PALM2AKAP2: variants seen among roughly 807,000 people sequenced by gnomAD.
PALM2AKAP2 encodes the protein PALM2 and AKAP2 fusion, also known as PALM2-AKAP2 fusion protein.
A neutral mutation model predicts 71.5 loss-of-function variants in PALM2AKAP2; 37 were observed. The observed-to-expected ratio is 0.52, with a 90% CI of 0.40 to 0.68. PALM2AKAP2 has a LOEUF of 0.68. Among genes scored for constraint, PALM2AKAP2 ranks in the 30% least tolerant of loss-of-function variants. The pLI is 0.00. For missense variants in PALM2AKAP2, 1,224 were observed against 1,191.8 expected (o/e 1.03, Z -0.40); for synonymous variants, 468 against 478.8 (o/e 0.98, Z 0.29).
chr9:109,680,279 G>A (rs750625675), intron 1 of PALM2AKAP2, among the ~76,000 whole-genome samples: 1 of 152,218 alleles, frequency 6.6e-6, no homozygotes, highest in Admixed American at 6.5e-5. Flanking sequence ...CAGGCCCAGA[G>A]ATACGTACAG....
At chr9:109,956,931 G>A (rs950835265) in intron 6 of PALM2AKAP2, among the ~76,000 whole-genome samples, 12 of 152,066 alleles carry the variant, frequency 7.9e-5, no homozygotes, top group East Asian at 1.9e-4. Context: ...CCAATTCCTC[G>A]TTTCAAAGAG....
intron 1 of PALM2AKAP2, among the ~76,000 whole-genome samples, chr9:110,129,247 A>G (rs1193874510): frequency 6.6e-6 from 1 of 152,222 alleles, no homozygotes; most frequent in Non-Finnish European, 1.5e-5. Flanking sequence ...AGGTAAAGGG[A>G]TCATCGACTT....
At chr9:110,124,986 T>C (rs1835565500) in intron 1 of PALM2AKAP2, among the ~76,000 whole-genome samples, 1 of 152,180 alleles carries the variant, frequency 6.6e-6, no homozygotes, top group East Asian at 1.9e-4. Flanking sequence ...TAACTTTTTT[T>C]CTGATTGGAG....
At chr9:109,788,511 T>C (rs1279486730) in intron 1 of PALM2AKAP2, among the ~76,000 whole-genome samples, 1 of 152,226 alleles carries the variant, frequency 6.6e-6, no homozygotes, top group Non-Finnish European at 1.5e-5. Flanking sequence ...TCTAATTCTG[T>C]AGGTCTAGGG....
intron 1 of PALM2AKAP2, among the ~76,000 whole-genome samples, chr9:109,677,112 T>C (rs1320996480): frequency 1.3e-5 from 2 of 152,190 alleles, no homozygotes; most frequent in African/African-American, 4.8e-5. Flanking sequence ...GGGAGGTTTT[T>C]ATTGTTTGTG....
chr9:110,135,172 A>AAAAAAT (rs1554755284), intron 1 of PALM2AKAP2, among the ~76,000 whole-genome samples: 18 of 61,096 alleles, frequency 2.9e-4, no homozygotes, highest in South Asian at 7.2e-4. Context: ...AAAATATATA[A>AAAAAAT]ATATATATAT....
chr9:109,766,984 G>GCTTA (rs567786666), intron 1 of PALM2AKAP2, among the ~76,000 whole-genome samples: 4 of 151,860 alleles, frequency 2.6e-5, no homozygotes, highest in Non-Finnish European at 5.9e-5. Flanking sequence ...TTATGAGAGT[G>GCTTA]CTTAGTACCT....
At chr9:109,800,354 T>A (rs1827388832) in intron 1 of PALM2AKAP2, among the ~76,000 whole-genome samples, 1 of 152,230 alleles carries the variant, frequency 6.6e-6, no homozygotes, top group African/African-American at 2.4e-5. Context: ...ACAATAATAC[T>A]CTGTTAGAGG....
chr9:109,730,879 T>C (rs1424592208), intron 1 of PALM2AKAP2, among the ~76,000 whole-genome samples: 2 of 151,898 alleles, frequency 1.3e-5, no homozygotes, highest in Admixed American at 1.3e-4. Flanking sequence ...CAACAACATA[T>C]CTTGAATAGC....
intron 1 of PALM2AKAP2, among the ~76,000 whole-genome samples, chr9:109,835,835 G>C (rs1047541647): frequency 6.6e-6 from 1 of 152,208 alleles, no homozygotes; most frequent in African/African-American, 2.4e-5. Context: ...CTTGGTGAGG[G>C]GTGCCTGCCA....
chr9:109,865,096 CTT>C (rs58922983), intron 1 of PALM2AKAP2, among the ~76,000 whole-genome samples: 3 of 75,640 alleles, frequency 4.0e-5, no homozygotes, highest in Non-Finnish European at 6.8e-5. Context: ...CTACTCATTC[CTT>C]TTTTTTTTTT....
intron 1 of PALM2AKAP2, among the ~76,000 whole-genome samples, chr9:109,830,822 C>T (rs1445693138): frequency 1.3e-5 from 2 of 152,168 alleles, no homozygotes; most frequent in East Asian, 3.9e-4. Flanking sequence ...CCAGGTGCTA[C>T]TGAAGGTCAC....
chr9:110,137,733 A>G, exon 2 of PALM2AKAP2: 1 of 1,614,210 alleles, frequency 6.2e-7, no homozygotes, highest in Non-Finnish European at 8.5e-7. Context: ...AGCATGGACA[A>G]CATCAGTGAC....
At chr9:110,035,776 G>A (rs428151) in intron 7 of PALM2AKAP2, among the ~76,000 whole-genome samples, 4,479 of 97,524 alleles carry the variant, frequency 0.046, 419 homozygotes, top group African/African-American at 0.094. Flanking sequence ...TATGTTATAT[G>A]TAACATATAT....
At chr9:109,820,720 C>T (rs1321697503) in intron 1 of PALM2AKAP2, among the ~76,000 whole-genome samples, 3 of 152,190 alleles carry the variant, frequency 2.0e-5, no homozygotes, top group East Asian at 1.9e-4. Flanking sequence ...CAGTTGTAGT[C>T]GTTGGGAGAA....
At chr9:109,917,273 T>TG (rs1326338736) in intron 3 of PALM2AKAP2, among the ~76,000 whole-genome samples, 1 of 152,212 alleles carries the variant, frequency 6.6e-6, no homozygotes, top group Non-Finnish European at 1.5e-5. Flanking sequence ...AACACAACGC[T>TG]GCCAGCACCT....
At chr9:109,935,450 A>G (rs188533889) in intron 6 of PALM2AKAP2, among the ~76,000 whole-genome samples, 63 of 152,320 alleles carry the variant, frequency 4.1e-4, no homozygotes, top group African/African-American at 1.3e-3. Context: ...CCCAAGGCAC[A>G]TGTTTCTGTG....
At chr9:109,646,366 A>G (rs1388144762) in intron 1 of PALM2AKAP2, among the ~76,000 whole-genome samples, 1 of 152,240 alleles carries the variant, frequency 6.6e-6, no homozygotes, top group African/African-American at 2.4e-5. Flanking sequence ...GGGATCCAAA[A>G]GGCACAAAGA....
chr9:109,889,676 T>C (rs1289300676), intron 3 of PALM2AKAP2, among the ~76,000 whole-genome samples: 1 of 152,228 alleles, frequency 6.6e-6, no homozygotes, highest in Non-Finnish European at 1.5e-5. Flanking sequence ...CAACATTTCA[T>C]GTGTGTTACT....
Sources: gnomAD v4.1 joint callset for allele counts (sites outside exome capture counted in the v4.1 genomes callset) on GRCh38, gnomAD v4.1.1 for gene constraint, MANE v1.5 for transcripts, NCBI Gene and HGNC (gene_info 2026-07-23, HGNC 2026-07-21) for gene names.